ALDH3B2: variants seen among roughly 807,000 people sequenced by gnomAD.
ALDH3B2 encodes aldehyde dehydrogenase family 3 member B2.
In ALDH3B2, 45 loss-of-function variants were observed where a neutral mutation model predicts 36.7. The observed-to-expected ratio is 1.23, with a 90% CI of 0.97 to 1.57. ALDH3B2 has a LOEUF of 1.57. Among genes scored for constraint, ALDH3B2 ranks in the 40% most tolerant of loss-of-function variants. ALDH3B2 has a pLI of 0.00. For missense variants in ALDH3B2, 464 were observed against 513.3 expected, an observed-to-expected ratio of 0.90 and a Z score of 0.93; for synonymous variants, 217 against 226.5, an observed-to-expected ratio of 0.96 and a Z score of 0.38.
exon 10 of ALDH3B2, chr11:67,663,237 G>C: frequency 6.2e-7 from 1 of 1,611,682 alleles, no homozygotes. Context: ...GCAGCTCTGG[G>C]AGCCCATGCC....
upstream of ALDH3B2, among the ~76,000 whole-genome samples, chr11:67,679,475 GA>G (rs951545287): frequency 1.4e-4 from 20 of 140,746 alleles, no homozygotes; most frequent in South Asian, 1.6e-3. Flanking sequence ...CATCTCAAAA[GA>G]AAAAAAAAAG....
chr11:67,672,012 C>T (rs1219323068), intron 1 of ALDH3B2, among the ~76,000 whole-genome samples: 1 of 126,330 alleles, frequency 7.9e-6, no homozygotes, highest in Non-Finnish European at 1.6e-5. Context: ...TCAAGCTGTC[C>T]CTGCCTTTCT....
upstream of ALDH3B2, among the ~76,000 whole-genome samples, chr11:67,674,938 G>A (rs138366619): frequency 6.6e-4 from 101 of 152,138 alleles, no homozygotes; most frequent in African/African-American, 2.3e-3. Flanking sequence ...TGCTGCCTTC[G>A]CCAGGAAGTC....
At chr11:67,669,014 G>T (rs367855635) in intron 1 of ALDH3B2, among the ~76,000 whole-genome samples, 1 of 147,464 alleles carries the variant, frequency 6.8e-6, no homozygotes, top group Non-Finnish European at 1.5e-5. Flanking sequence ...TGTGTATATG[G>T]GTGTCTGTGT....
chr11:67,669,828 GTGTC>G (rs1414621966), intron 1 of ALDH3B2, among the ~76,000 whole-genome samples: 1 of 98,852 alleles, frequency 1.0e-5, no homozygotes, highest in Non-Finnish European at 2.2e-5. Flanking sequence ...GTGTGTATGG[GTGTC>G]TGTGTGTGTA....
chr11:67,669,026 T>C lies in ALDH3B2; in HGVS notation c.-244-1391A>G, dbSNP rs537529817. Among the ~76,000 whole-genome samples the C allele has an allele frequency of 3.3e-5, 5 of 151,544 alleles. No individual in the cohort carries two copies. In the South Asian group the frequency reaches 1.0e-3, roughly 32 times the overall value. ...GTATGTGTATATGGGTGTCTGTGTCTCTTTGTGTGTATGGATGTCTGTGTC... is the reference window on the plus strand; with the variant it reads ...GTATGTGTATATGGGTGTCTGTGTCCCTTTGTGTGTATGGATGTCTGTGTC... On this transcript the variant is annotated intron_variant, in intron 1 of 9. Coordinates refer to ENST00000349015, the Ensembl canonical transcript of ALDH3B2.
chr11:67,665,175 A>C, intron 7 of ALDH3B2, 110 bp downstream of exon 7: 1 of 1,505,156 alleles, frequency 6.6e-7, no homozygotes, highest in Non-Finnish European at 8.9e-7. Context: ...CCGGGCTCTG[A>C]TAGTGGGGCC....
At chr11:67,676,695 A>T (rs994798644), upstream of ALDH3B2, among the ~76,000 whole-genome samples, 74 of 152,196 alleles carry the variant, frequency 4.9e-4, 4 homozygotes, top group African/African-American at 1.4e-4. Context: ...TAAAATTGAT[A>T]GATCATTTGC....
At chr11:67,667,046 AGGCCCAGACCT>A in intron 2 of ALDH3B2, 30 bp from the exon 3 acceptor site, 1 of 1,397,774 alleles carries the variant, frequency 7.2e-7, no homozygotes, top group South Asian at 1.2e-5. Context: ...CAGAGTGGTC[AGGCCCAGACCT>A]GGGCCAGGAG....
chr11:67,678,822 ATAT>A, upstream of ALDH3B2, among the ~76,000 whole-genome samples: 1 of 125,240 alleles, frequency 8.0e-6, no homozygotes, highest in African/African-American at 2.9e-5. Flanking sequence ...ATATATATAT[ATAT>A]GTTTGAATAC....
rs573594746 is a variant in ALDH3B2, at chr11:67,666,120, A to G, written c.319+2T>C. 3.7e-6 allele frequency: 6 copies of G among 1,612,846 alleles called. No individual in the cohort carries two copies. Among genetic ancestry groups the G allele is most frequent in the South Asian group, 3.3e-5 (3 of 91,028 alleles). On this transcript the variant is annotated splice_donor_variant, in intron 6 of 9. Coordinates refer to ENST00000349015, the Ensembl canonical transcript of ALDH3B2. LOFTEE classifies it high-confidence loss of function. ...TCTGGGACCCTGGCCTGGCCCCCTC[A>G]CCTGTGAAGAAGATGTAGTCCAACT... is the stretch of plus-strand genomic sequence containing the variant.
upstream of ALDH3B2, among the ~76,000 whole-genome samples, chr11:67,677,707 A>C (rs1464345416): frequency 6.6e-6 from 1 of 152,196 alleles, no homozygotes; most frequent in African/African-American, 2.4e-5. Context: ...GAAAACCCTG[A>C]GGACTCCTCC....
chr11:67,669,497 T>C (rs886553308), intron 1 of ALDH3B2, among the ~76,000 whole-genome samples: 2 of 149,672 alleles, frequency 1.3e-5, no homozygotes, highest in African/African-American at 5.0e-5. Context: ...TATGGATGTC[T>C]GTGTGTCTGC....
intron 1 of ALDH3B2, among the ~76,000 whole-genome samples, chr11:67,680,896 C>G (rs1328045848): frequency 6.6e-6 from 1 of 152,078 alleles, no homozygotes; most frequent in Non-Finnish European, 1.5e-5. Context: ...CCCTCTGGGC[C>G]CAGGGACTGT....
At chr11:67,663,052 T>G in exon 10 of ALDH3B2, 4 of 915,046 alleles carry the variant, frequency 4.4e-6, no homozygotes, top group Non-Finnish European at 6.6e-6. Context: ...AAGCAAGACC[T>G]TGCTTTGCAG....
chr11:67,678,888 G>T (rs1856319323), upstream of ALDH3B2, among the ~76,000 whole-genome samples: 1 of 152,036 alleles, frequency 6.6e-6, no homozygotes, highest in Non-Finnish European at 1.5e-5. Context: ...ATCTGGATGA[G>T]ATTGGAGGCT....
chr11:67,665,589 G>A (rs866591737), exon 7 of ALDH3B2: 2 of 1,613,994 alleles, frequency 1.2e-6, no homozygotes, highest in Non-Finnish European at 1.7e-6. Context: ...CGTAGCAGGG[G>A]TTCTTGCCCC....
At chr11:67,667,064 G>A in intron 2 of ALDH3B2, 48 bp from the exon 3 acceptor site, 2 of 1,146,860 alleles carry the variant, frequency 1.7e-6, no homozygotes, top group Non-Finnish European at 2.6e-6. Flanking sequence ...ACCTGGGCCA[G>A]GAGGGGTCTA....
exon 10 of ALDH3B2, chr11:67,663,138 A>C: frequency 6.7e-7 from 1 of 1,481,854 alleles, no homozygotes; most frequent in Non-Finnish European, 9.1e-7. Flanking sequence ...TGGAGGAACA[A>C]TGTGAGTTGG....
Sources: gnomAD v4.1 joint callset for allele counts (sites outside exome capture counted in the v4.1 genomes callset) on GRCh38, gnomAD v4.1.1 for gene constraint, MANE v1.5 for transcripts, NCBI Gene and HGNC (gene_info 2026-07-23, HGNC 2026-07-21) for gene names.